LZTS1: variants seen among roughly 807,000 people sequenced by gnomAD.
LZTS1 encodes the protein leucine zipper putative tumor suppressor 1.
In LZTS1, 31 loss-of-function variants were observed where a neutral mutation model predicts 45.8. The observed-to-expected ratio is 0.68, with a 90% CI of 0.51 to 0.91. LZTS1 has a LOEUF of 0.91. LZTS1 is among the 40% of genes least tolerant of loss of function. The probability of loss-of-function intolerance (pLI) is 0.00; values close to 1 mark genes in which losing one functional copy is unlikely to be tolerated. For synonymous variants in LZTS1, 359 were observed against 357.3 expected (o/e 1.00, Z -0.05); for missense variants, 821 against 788.9 (o/e 1.04, Z -0.49).
chr8:20,296,465 G>T (rs1800980667), intron 1 of LZTS1, among the ~76,000 whole-genome samples: 1 of 152,178 alleles, frequency 6.6e-6, no homozygotes. Flanking sequence ...CCTAAAGACT[G>T]CCCCAGGCAT....
rs1287618185 is a variant in LZTS1 at position 20,297,287 on chromosome 8, T to G, written c.-135+6453A>C. Among the ~76,000 whole-genome samples the G allele has an allele frequency of 1.3e-5, 2 of 152,174 alleles. 1 individual carries two copies. Among genetic ancestry groups the G allele is most frequent in the Non-Finnish European group, 2.9e-5 (2 of 68,030 alleles). On this transcript the variant is annotated intron_variant, in intron 1 of 3. Transcript: ENST00000381569. ...CATTTGCTCTAATTTCAACATGGAG[T>G]GGACTAAACCTTTTGAATTGACAAG...
chr8:20,288,990 T>TG (rs1554555282), intron 1 of LZTS1, among the ~76,000 whole-genome samples: 3 of 149,722 alleles, frequency 2.0e-5, no homozygotes, highest in Admixed American at 1.3e-4. Context: ...GCAGCTGGTT[T>TG]TTTTTTTTTT....
chr8:20,300,525 T>G (rs13261367), intron 1 of LZTS1, among the ~76,000 whole-genome samples: 1 of 151,888 alleles, frequency 6.6e-6, no homozygotes, highest in East Asian at 2.0e-4. Flanking sequence ...GTAGAGACGG[T>G]GTTTCACCGT....
intron 1 of LZTS1, among the ~76,000 whole-genome samples, chr8:20,286,723 C>T (rs1003148190): frequency 6.6e-6 from 1 of 152,194 alleles, no homozygotes; most frequent in African/African-American, 2.4e-5. Flanking sequence ...CTCAAAATAT[C>T]CGGAGACCTA....
chr8:20,278,083 A>C (rs1422905040), intron 1 of LZTS1, among the ~76,000 whole-genome samples: 1 of 152,200 alleles, frequency 6.6e-6, no homozygotes, highest in Non-Finnish European at 1.5e-5. Context: ...TCAGATGGTC[A>C]GGTGGTTGTT....
chr8:20,294,744 TAAGGG>T (rs1457475920), intron 1 of LZTS1, among the ~76,000 whole-genome samples: 2 of 151,954 alleles, frequency 1.3e-5, no homozygotes, highest in African/African-American at 4.8e-5. Context: ...TTGCAATAAA[TAAGGG>T]AAGCTACCCT....
At chr8:20,254,713 C>G (rs550323964) in intron 2 of LZTS1, 124 bp downstream of exon 2, 1 of 778,112 alleles carries the variant, frequency 1.3e-6, no homozygotes, top group East Asian at 2.7e-5. Context: ...ACCCCTGCCG[C>G]TCTGGTTTTG....
At chr8:20,273,247 G>T (rs1800509322) in intron 1 of LZTS1, among the ~76,000 whole-genome samples, 2 of 152,124 alleles carry the variant, frequency 1.3e-5, no homozygotes, top group Non-Finnish European at 2.9e-5. Context: ...CTGTTGCGCA[G>T]CCTGTCCTCT....
rs537779523 is a variant in LZTS1, at chr8:20,272,958, T to C, written c.-134-17643A>G. ...CTTCTCCAGGGACCACTGTCTTTTT[T>C]CTCCCGTTCACAGCCAAGCTTCTCG... On this transcript the variant is annotated intron_variant, in intron 1 of 3. Transcript: ENST00000381569. Among the ~76,000 whole-genome samples the C allele has an allele frequency of 4.6e-5, 7 of 152,296 alleles. No homozygotes were observed. The South Asian group carries it at 8.3e-4, about 18-fold the overall frequency.
chr8:20,296,398 TA>T (rs1800979409), intron 1 of LZTS1, among the ~76,000 whole-genome samples: 1 of 152,208 alleles, frequency 6.6e-6, no homozygotes, highest in Non-Finnish European at 1.5e-5. Context: ...AAGTCTCACC[TA>T]GACTGGCCCA....
In LZTS1 at chr8:20,249,922, C is replaced by T. The variant is rs139782965; in HGVS notation, c.1591G>A (p.Val531Met). ...MSSGFQHERL[V>M]WKEEKEKVIQ... is the part of the protein sequence containing the mutation. ...ACCTTCTCCTTCTCCTCCTTCCACA[C>T]GAGCCGCTCATGCTGGAAGCCCGAG... is the stretch of plus-strand genomic sequence containing the variant. Residue 531 changes from valine (V) to methionine (M), a missense_variant, in exon 4 of 4, where the codon GTG (valine) becomes ATG (methionine). By Grantham distance (21) the Val-to-Met change is conservative. Coordinates refer to ENST00000381569, the MANE Select transcript of LZTS1 (RefSeq NM_021020.5). 2.2e-3 allele frequency: 3,543 copies of T among 1,614,092 alleles called. 7 individuals carry two copies. Among genetic ancestry groups the T allele is most frequent in the Non-Finnish European group, 2.9e-3 (3,365 of 1,180,010 alleles).
intron 1 of LZTS1, among the ~76,000 whole-genome samples, chr8:20,258,791 C>T (rs1000987392): frequency 3.9e-5 from 6 of 152,230 alleles, no homozygotes; most frequent in African/African-American, 1.4e-4. Flanking sequence ...TCCTTGCCAA[C>T]ATCCATCATC....
At chr8:20,269,291 G>A (rs953079609) in intron 1 of LZTS1, among the ~76,000 whole-genome samples, 17 of 152,250 alleles carry the variant, frequency 1.1e-4, no homozygotes, top group African/African-American at 4.1e-4. Flanking sequence ...ATCTTAAACA[G>A]GGGAGTGGGT....
intron 1 of LZTS1, among the ~76,000 whole-genome samples, chr8:20,301,748 C>A (rs1420530792): frequency 1.3e-5 from 2 of 152,018 alleles, no homozygotes; most frequent in Non-Finnish European, 2.9e-5. Flanking sequence ...CCAGGGCACC[C>A]CACGCAGCAG....
Position 20,249,816 on chromosome 8 carries a change from T to C in LZTS1, c.1697A>G (p.Gln566Arg). The C allele has an allele frequency of 1.9e-6, 3 of 1,614,140 alleles. No homozygotes were observed. The highest frequency in any genetic ancestry group is 2.5e-6 in the Non-Finnish European group (3 of 1,180,000). ...RNQRLEKALQ[Q>R]LARGDSAGEP... ...CCCGGCGCTGTCCCCACGTGCCAGC[T>C]GCTGCAGGGCCTTCTCCAGGCGCTG... Residue 566 changes from glutamine to arginine, a missense_variant, in exon 4 of 4, where the codon CAG (glutamine) becomes CGG (arginine). By Grantham distance (43) the Gln-to-Arg change is conservative. Transcript: ENST00000381569.
intron 1 of LZTS1, among the ~76,000 whole-genome samples, chr8:20,294,865 C>T (rs1327902596): frequency 2.0e-5 from 3 of 151,896 alleles, no homozygotes; most frequent in Non-Finnish European, 2.9e-5. Flanking sequence ...ATGGGGCTGC[C>T]TCTCTGGAAG....
chr8:20,277,725 AG>A (rs1800612339), intron 1 of LZTS1, among the ~76,000 whole-genome samples: 1 of 152,186 alleles, frequency 6.6e-6, no homozygotes, highest in South Asian at 2.1e-4. Context: ...CTGTCCTAAA[AG>A]CACCCTTTTC....
chr8:20,253,540 G>C lies in LZTS1; in HGVS notation c.391C>G (p.Leu131Val). ...TGCAGGATGGCTCCTGACCGTGGCAGCACAGGCTTGAAGGCTGTGGGCCTC... is the reference window on the plus strand; with the variant it reads ...TGCAGGATGGCTCCTGACCGTGGCACCACAGGCTTGAAGGCTGTGGGCCTC... ...AVRPTAFKPV[L>V]PRSGAILHSS... Residue 131 changes from leucine (L) to valine (V), a missense_variant, in exon 3 of 4, where the codon CTG becomes GTG. Transcript: ENST00000381569. 1 of 1,516,434 alleles carries C rather than the reference G, an allele frequency of 6.6e-7. No homozygotes were observed. Among genetic ancestry groups the C allele is most frequent in the Non-Finnish European group, 8.8e-7 (1 of 1,133,878 alleles). 93.9% of individuals were successfully genotyped at this position (1,516,434 alleles called of 1,614,324 possible).
At chr8:20,258,531 T>C (rs1227339835) in intron 1 of LZTS1, among the ~76,000 whole-genome samples, 1 of 152,234 alleles carries the variant, frequency 6.6e-6, no homozygotes, top group Admixed American at 6.5e-5. Flanking sequence ...AGGAAAAGCA[T>C]GACACAACAA....
Sources: allele counts gnomAD v4.1 joint callset (sites outside exome capture counted in the v4.1 genomes callset), GRCh38; gene constraint gnomAD v4.1.1; transcripts MANE v1.5; gene names NCBI Gene and HGNC (gene_info 2026-07-23, HGNC 2026-07-21).